Variants in UNC5D observed in about 807,000 individuals in gnomAD.
UNC5D encodes unc-5 netrin receptor D, also known as netrin receptor UNC5D.
Under a neutral mutation model 105.4 loss-of-function variants are expected in UNC5D, and 39 were observed. The ratio of observed to expected loss-of-function variants is 0.37; its 90% confidence interval spans 0.29 to 0.48. The LOEUF (loss-of-function observed/expected upper bound fraction) is 0.48. Among genes scored for constraint, UNC5D ranks in the 20% least tolerant of loss-of-function variants. The pLI is 0.98. For missense variants in UNC5D, 991 were observed against 1,202.4 expected, an observed-to-expected ratio of 0.82 and a Z score of 2.60; for synonymous variants, 452 against 450.4, an observed-to-expected ratio of 1.00 and a Z score of -0.04.
chr8:35,442,075 A>C (rs1292217331), intron 1 of UNC5D, among the ~76,000 whole-genome samples: 1 of 151,980 alleles, frequency 6.6e-6, no homozygotes, highest in Non-Finnish European at 1.5e-5. Context: ...ACGTGAAATT[A>C]CTTTCATTTT....
intron 1 of UNC5D, among the ~76,000 whole-genome samples, chr8:35,498,727 G>T (rs1317660330): frequency 6.6e-6 from 1 of 152,086 alleles, no homozygotes. Context: ...CAGAGCCATG[G>T]TGATTGTGTA....
At chr8:35,387,407 C>G (rs1199836904) in intron 1 of UNC5D, among the ~76,000 whole-genome samples, 1 of 149,460 alleles carries the variant, frequency 6.7e-6, no homozygotes, top group Admixed American at 6.7e-5. Flanking sequence ...CCTCTGCGTC[C>G]ATCTGATGCA....
At chr8:35,522,830 A>C (rs1357466344) in intron 1 of UNC5D, among the ~76,000 whole-genome samples, 3 of 152,160 alleles carry the variant, frequency 2.0e-5, no homozygotes, top group Admixed American at 6.6e-5. Context: ...TTCCATAATA[A>C]AGACATCCCT....
At chr8:35,722,048 G>T (rs1018220177) in intron 8 of UNC5D, among the ~76,000 whole-genome samples, 162 bp from the exon 9 acceptor site, 1 of 152,296 alleles carries the variant, frequency 6.6e-6, no homozygotes, top group East Asian at 1.9e-4. Context: ...TTAGAAACAC[G>T]ATTACTGTGT....
intron 2 of UNC5D, among the ~76,000 whole-genome samples, chr8:35,559,701 C>T (rs569491975): frequency 1.4e-3 from 217 of 152,278 alleles, no homozygotes; most frequent in Non-Finnish European, 2.3e-3. Context: ...TTAAAGTTGA[C>T]CAGAAATAAA....
At chr8:35,671,756 G>GTGTC (rs1824822419) in intron 4 of UNC5D, among the ~76,000 whole-genome samples, 1 of 152,032 alleles carries the variant, frequency 6.6e-6, no homozygotes, top group South Asian at 2.1e-4. Context: ...CTTGGATAGA[G>GTGTC]TGTCTAGTAA....
At chr8:35,613,198 C>G (rs1283070404) in intron 4 of UNC5D, among the ~76,000 whole-genome samples, 1 of 152,194 alleles carries the variant, frequency 6.6e-6, no homozygotes, top group Non-Finnish European at 1.5e-5. Context: ...CTGCTTCAGC[C>G]TCCTGAGTAG....
intron 1 of UNC5D, among the ~76,000 whole-genome samples, chr8:35,531,092 T>G (rs1428804997): frequency 7.2e-6 from 1 of 138,530 alleles, no homozygotes; most frequent in African/African-American, 2.8e-5. Flanking sequence ...TGCTAGCTTT[T>G]GAATGTGTTT....
intron 4 of UNC5D, among the ~76,000 whole-genome samples, chr8:35,669,701 A>G (rs1392030120): frequency 6.6e-6 from 1 of 151,308 alleles, no homozygotes; most frequent in East Asian, 1.9e-4. Context: ...TAAATGTAAT[A>G]TTATTATCAC....
intron 1 of UNC5D, among the ~76,000 whole-genome samples, chr8:35,421,302 C>T (rs1805883654): frequency 6.6e-6 from 1 of 152,166 alleles, no homozygotes; most frequent in Non-Finnish European, 1.5e-5. Context: ...CTTGCCCCTA[C>T]TTGGCAGCTG....
At chr8:35,599,411 C>G (rs1377956872) in intron 4 of UNC5D, among the ~76,000 whole-genome samples, 1 of 152,120 alleles carries the variant, frequency 6.6e-6, no homozygotes, top group Admixed American at 6.6e-5. Context: ...GTAATACATA[C>G]ATTATTTAGC....
chr8:35,738,682 C>T (rs1017115934), intron 11 of UNC5D, among the ~76,000 whole-genome samples: 1 of 152,188 alleles, frequency 6.6e-6, no homozygotes, highest in African/African-American at 2.4e-5. Flanking sequence ...AAAGGTACAT[C>T]ATATTAGTCT....
At chr8:35,310,204 T>G (rs1329726143) in intron 1 of UNC5D, among the ~76,000 whole-genome samples, 2 of 152,216 alleles carry the variant, frequency 1.3e-5, no homozygotes, top group Non-Finnish European at 2.9e-5. Context: ...CAGTGTGGAA[T>G]TGATGTTCTG....
At chr8:35,594,872 A>G (rs900863641) in intron 3 of UNC5D, among the ~76,000 whole-genome samples, 4 of 152,162 alleles carry the variant, frequency 2.6e-5, no homozygotes, top group Admixed American at 6.5e-5. Flanking sequence ...TCATCCTTCC[A>G]TGTGTAAAAG....
At chr8:35,349,956 G>C (rs922366551) in intron 1 of UNC5D, among the ~76,000 whole-genome samples, 5 of 151,940 alleles carry the variant, frequency 3.3e-5, no homozygotes, top group African/African-American at 1.2e-4. Context: ...CAGCACCAGC[G>C]GTTGTGTCTA....
chr8:35,511,474 TAA>T (rs60185539), intron 1 of UNC5D, among the ~76,000 whole-genome samples: 21,973 of 96,696 alleles, frequency 0.23, 2,284 homozygotes, highest in Admixed American at 0.34. Context: ...CCTCTAAGAT[TAA>T]AAAAAAAAAA....
At chr8:35,787,521 C>T (rs991199654) in intron 16 of UNC5D, among the ~76,000 whole-genome samples, 2 of 152,152 alleles carry the variant, frequency 1.3e-5, no homozygotes, top group Non-Finnish European at 2.9e-5. Flanking sequence ...GTTTTGGTGA[C>T]AGTGTTTATA....
chr8:35,330,425 G>A (rs1048667495), intron 1 of UNC5D, among the ~76,000 whole-genome samples: 2 of 152,122 alleles, frequency 1.3e-5, no homozygotes, highest in Non-Finnish European at 2.9e-5. Flanking sequence ...GAAGTCTAAG[G>A]TCTCTTTTAA....
chr8:35,740,290 A>ATCTAATGTAC (rs1829696305), intron 11 of UNC5D, among the ~76,000 whole-genome samples: 2 of 152,226 alleles, frequency 1.3e-5, no homozygotes, highest in South Asian at 4.1e-4. Flanking sequence ...CTCCAAGTTT[A>ATCTAATGTAC]TCTAATGTAC....
Sources: gnomAD v4.1 joint callset for allele counts (sites outside exome capture counted in the v4.1 genomes callset) on GRCh38, gnomAD v4.1.1 for gene constraint, MANE v1.5 for transcripts, NCBI Gene and HGNC (gene_info 2026-07-23, HGNC 2026-07-21) for gene names.